KCNQ1: variants seen among roughly 807,000 people sequenced by gnomAD.
KCNQ1 encodes the protein potassium voltage-gated channel subfamily Q member 1, also known as potassium voltage-gated channel subfamily KQT member 1.
KCNQ1 carries 49 observed loss-of-function variants against 72.4 expected under a neutral mutation model. The ratio of observed to expected loss-of-function variants is 0.68; its 90% CI spans 0.54 to 0.86. The LOEUF is 0.86. Ranked by LOEUF, KCNQ1 falls within the 40% of genes least tolerant of loss-of-function variation. KCNQ1 has a pLI of 0.00. For synonymous variants in KCNQ1, 450 were observed against 412.6 expected, an observed-to-expected ratio of 1.09 and a Z score of -1.10; for missense variants, 790 against 945.1, an observed-to-expected ratio of 0.84 and a Z score of 2.15.
rs1352387459 is a variant in KCNQ1 at position 2,818,727 on chromosome 11, T to C, written c.1795-29040T>C. On this transcript the variant is annotated intron_variant, in intron 15 of 15. Coordinates refer to ENST00000155840, the MANE Select transcript of KCNQ1 (RefSeq NM_000218.3). This position sits in a 1 kb window ranked among gnomAD's most constrained non-coding sequence, Gnocchi z 7.2. ...CCAGAGCCCCCAGCCCCTACCCTAG[T>C]CTGATGACCCAGGCCTTTCCCCCTG... Among the ~76,000 whole-genome samples the C allele has an allele frequency of 1.3e-5, 2 of 151,600 alleles. No homozygotes were observed. The highest frequency in any genetic ancestry group is 2.9e-5 in the Non-Finnish European group (2 of 67,890).
At chr11:2,689,269 C>T (rs1850548532) in intron 11 of KCNQ1, 1 of 398,744 alleles carries the variant, frequency 2.5e-6, no homozygotes, top group African/African-American at 2.1e-5. Flanking sequence ...TCCTATCAGC[C>T]TTTGCACAGA....
chr11:2,806,961 G>A (rs1438652293), intron 15 of KCNQ1, among the ~76,000 whole-genome samples: 1 of 152,124 alleles, frequency 6.6e-6, no homozygotes, highest in Non-Finnish European at 1.5e-5. Flanking sequence ...GTGACAGGTT[G>A]GGCGGGGTCC....
rs763890527 is a variant in KCNQ1, at chr11:2,690,920, G to A, written c.1514+28839G>A. 4.8e-5 allele frequency: 19 copies of A among 398,498 alleles called. No homozygotes were observed. The highest frequency in any genetic ancestry group is 1.4e-4 in the East Asian group (4 of 28,094). 24.7% of individuals were successfully genotyped at this position (398,498 alleles called of 1,614,324 possible). A position where few individuals can be genotyped will look rare whatever the true frequency, so the allele number is the denominator to read the frequency against. On this transcript the variant is annotated intron_variant, in intron 11 of 15. Coordinates refer to ENST00000155840, the MANE Select transcript of KCNQ1 (RefSeq NM_000218.3). The surrounding 1 kb of genome is among the most constrained non-coding windows in gnomAD (Gnocchi z 5.1). ...GGTTTTGTCATGTGTAGGTCCCAGC[G>A]GCTTTAAGCCAACCTGAAAGGTTCA... is the stretch of plus-strand genomic sequence containing the variant.
rs916817313 is a variant in KCNQ1, at chr11:2,488,587, C to T, written c.387-39341C>T. Among the ~76,000 whole-genome samples the T allele has an allele frequency of 1.1e-4, 16 of 152,212 alleles. No homozygotes were observed. The highest frequency in any genetic ancestry group is 9.2e-4 in the Admixed American group (14 of 15,294). ...TTTGTGATTTAGTTTTGGTAGGTTT[C>T]GTGTTTCTCAGAATTTGTCCATTTC... On this transcript the variant is annotated intron_variant, in intron 1 of 15. Coordinates refer to ENST00000155840, the MANE Select transcript of KCNQ1 (RefSeq NM_000218.3). The surrounding 1 kb of genome is among the most constrained non-coding windows in gnomAD (Gnocchi z 5.1).
chr11:2,763,321 T>G lies in KCNQ1; in HGVS notation c.1515-5523T>G, dbSNP rs771730182. The stretch of plus-strand genomic sequence containing the variant: ...GCTCACACCTGTAATACCAACTACT[T>G]GGGAGGCTGAAGTGAGAGGATCACT... On this transcript the variant is annotated intron_variant, in intron 11 of 15. Transcript: ENST00000155840. 4.6e-5 allele frequency among the ~76,000 whole-genome samples: 7 copies of G among 151,302 alleles called. 1 individual carries two copies. Among genetic ancestry groups the G allele is most frequent in the Non-Finnish European group, 8.8e-5 (6 of 67,908 alleles).
chr11:2,460,227 G>A (rs890724618), intron 1 of KCNQ1, among the ~76,000 whole-genome samples: 1 of 152,206 alleles, frequency 6.6e-6, no homozygotes, highest in African/African-American at 2.4e-5. Flanking sequence ...TGCGTGACCT[G>A]ATTCTCTGTG....
chr11:2,610,487 G>T, intron 10 of KCNQ1: 1 of 398,232 alleles, frequency 2.5e-6, no homozygotes, highest in Non-Finnish European at 4.4e-6. Context: ...ACCAACTGGT[G>T]GTATTTCCTT....
chr11:2,572,696 G>A (rs1282454967), intron 5 of KCNQ1, 150 bp from the exon 6 acceptor site: 6 of 975,166 alleles, frequency 6.2e-6, no homozygotes, highest in Admixed American at 4.0e-5. Flanking sequence ...TGAGGAGTGG[G>A]CTATATTGAA....
At chr11:2,511,203 C>T (rs560579896) in intron 1 of KCNQ1, among the ~76,000 whole-genome samples, 1 of 152,074 alleles carries the variant, frequency 6.6e-6, no homozygotes, top group Non-Finnish European at 1.5e-5. Context: ...GTGGGATGCA[C>T]CTTGGGTGTG....
intron 11 of KCNQ1, among the ~76,000 whole-genome samples, chr11:2,742,208 G>T (rs1005131674): frequency 2.0e-5 from 3 of 152,024 alleles, no homozygotes; most frequent in African/African-American, 7.2e-5. Flanking sequence ...CGGGTGGCTT[G>T]GGGGGTACCA....
At chr11:2,514,504 C>A (rs192221017) in intron 1 of KCNQ1, among the ~76,000 whole-genome samples, 1 of 152,326 alleles carries the variant, frequency 6.6e-6, no homozygotes, top group Admixed American at 6.5e-5. Context: ...TTTCCCTATA[C>A]AGGAGACCAA....
chr11:2,657,235 C>T lies in KCNQ1; in HGVS notation c.1394-4726C>T, dbSNP rs1462563887. 2.5e-6 allele frequency: 1 copy of T among 398,520 alleles called. No individual in the cohort carries two copies. Among genetic ancestry groups the T allele is most frequent in the Non-Finnish European group, 4.4e-6 (1 of 226,078 alleles). The allele number at this position is 398,520 out of a possible 1,614,324, so 24.7% of individuals were successfully genotyped here. Reference sequence around the variant, plus strand: ...ACTTCCAAGTCGCAGTTAGAATCAGCTTGCCAAAGTTCTCACACAGAAGCC... The same window carrying T: ...ACTTCCAAGTCGCAGTTAGAATCAGTTTGCCAAAGTTCTCACACAGAAGCC... On this transcript the variant is annotated intron_variant, in intron 10 of 15. Coordinates refer to ENST00000155840, the MANE Select transcript of KCNQ1 (RefSeq NM_000218.3). The surrounding 1 kb of genome is among the most constrained non-coding windows in gnomAD (Gnocchi z 4.8).
intron 6 of KCNQ1, among the ~76,000 whole-genome samples, chr11:2,576,373 C>T (rs750904549): frequency 2.0e-5 from 3 of 152,170 alleles, no homozygotes; most frequent in East Asian, 1.9e-4. Flanking sequence ...GCTGCCAAGG[C>T]GTTTGGGGAG....
rs1849866556 is a variant in KCNQ1 at position 2,657,271 on chromosome 11, T to C, written c.1394-4690T>C. ...TCTCACACAGAAGCCTTGAGATTTT[T>C]ATTAAGATTTGGAGAGATTTATTCA... On this transcript the variant is annotated intron_variant, in intron 10 of 15. Coordinates refer to ENST00000155840, the MANE Select transcript of KCNQ1 (RefSeq NM_000218.3). This position sits in a 1 kb window ranked among gnomAD's most constrained non-coding sequence, Gnocchi z 4.8. 7.5e-6 allele frequency: 3 copies of C among 398,526 alleles called. No homozygotes were observed. Among genetic ancestry groups the C allele is most frequent in the Non-Finnish European group, 4.4e-6 (1 of 226,072 alleles). The allele number at this position is 398,526 out of a possible 1,614,324, so 24.7% of individuals were successfully genotyped here. A position where few individuals can be genotyped will look rare whatever the true frequency, so the allele number is the denominator to read the frequency against.
chr11:2,822,861 T>C (rs1193071825), intron 15 of KCNQ1, among the ~76,000 whole-genome samples: 1 of 151,644 alleles, frequency 6.6e-6, no homozygotes, highest in Non-Finnish European at 1.5e-5. Flanking sequence ...GAGTAGGACA[T>C]TGTGAAAAAG....
Position 2,520,738 on chromosome 11 carries a change from T to C in KCNQ1, c.387-7190T>C, listed in dbSNP as rs1440648156. Among the ~76,000 whole-genome samples the C allele has an allele frequency of 3.3e-5, 5 of 151,952 alleles. No individual in the cohort carries two copies. In the East Asian group the frequency reaches 9.7e-4, roughly 29 times the overall value. ...GAAGCCTGTCCTCTCCAGCGCCCAG[T>C]GTTTCCTTCCTGGGGCACATGGGAT... On this transcript the variant is annotated intron_variant, in intron 1 of 15. Transcript: ENST00000155840.
In KCNQ1 at chr11:2,673,918, G is replaced by A. The variant is rs1029271515; in HGVS notation, c.1514+11837G>A. Reference sequence around the variant, plus strand: ...TGGGAGCTCAGCTCACCGGGTGCTAGACAAGGGAGTGTGTCTCTTTCCCCA... The same window carrying A: ...TGGGAGCTCAGCTCACCGGGTGCTAAACAAGGGAGTGTGTCTCTTTCCCCA... On this transcript the variant is annotated intron_variant, in intron 11 of 15. Coordinates refer to ENST00000155840, the MANE Select transcript of KCNQ1 (RefSeq NM_000218.3). The surrounding 1 kb of genome is among the most constrained non-coding windows in gnomAD (Gnocchi z 4.5). 32 of 370,678 alleles carry A rather than the reference G, an allele frequency of 8.6e-5. No homozygotes were observed. The highest frequency in any genetic ancestry group is 6.8e-4 in the African/African-American group (32 of 47,276). 23.0% of individuals were successfully genotyped at this position (370,678 alleles called of 1,614,324 possible).
rs552825242 is a variant in KCNQ1, at chr11:2,624,568, T to A, written c.1393+35714T>A. 7.0e-5 allele frequency: 28 copies of A among 398,544 alleles called. No individual in the cohort carries two copies. Among genetic ancestry groups the A allele is most frequent in the Admixed American group, 6.2e-4 (14 of 22,724 alleles). The allele number at this position is 398,544 out of a possible 1,614,324, so 24.7% of individuals were successfully genotyped here. On this transcript the variant is annotated intron_variant, in intron 10 of 15. Coordinates refer to ENST00000155840, the MANE Select transcript of KCNQ1 (RefSeq NM_000218.3). The surrounding 1 kb of genome is among the most constrained non-coding windows in gnomAD (Gnocchi z 4.9). ...TGTTGTTGATTTCCAAATCTTTTAT[T>A]GTGGCAAAATACACTTAACATAAAA...
At chr11:2,662,393 C>A in intron 11 of KCNQ1, 1 of 509,408 alleles carries the variant, frequency 2.0e-6, no homozygotes, top group South Asian at 3.6e-5. Context: ...CTCCCCTGCC[C>A]CCCAAAAAAG....
Sources: gnomAD v4.1 joint callset for allele counts (sites outside exome capture counted in the v4.1 genomes callset) on GRCh38, gnomAD v4.1.1 for gene constraint, Gnocchi (gnomAD v3.1) non-coding constraint, MANE v1.5 for transcripts, NCBI Gene and HGNC (gene_info 2026-07-23, HGNC 2026-07-21) for gene names.